TIAM1: variants seen among roughly 807,000 people sequenced by gnomAD.
TIAM1 encodes the protein TIAM Rac1 associated GEF 1.
Under a neutral mutation model 163.5 loss-of-function variants are expected in TIAM1, and 65 were observed. That is an observed-to-expected ratio of 0.40 (90% confidence interval 0.33 to 0.49). The LOEUF (loss-of-function observed/expected upper bound fraction) is 0.49. Among genes scored for constraint, TIAM1 ranks in the 20% least tolerant of loss-of-function variants. The probability of loss-of-function intolerance (pLI) is 0.77; values close to 1 mark genes in which losing one functional copy is unlikely to be tolerated. For synonymous variants in TIAM1, 833 were observed against 810.1 expected (o/e 1.03, Z -0.48); for missense variants, 1,789 against 2,044.7 (o/e 0.87, Z 2.41).
intron 2 of TIAM1, among the ~76,000 whole-genome samples, chr21:31,311,326 A>T (rs1047945554): frequency 1.5e-4 from 23 of 152,192 alleles, no homozygotes; most frequent in African/African-American, 5.5e-4. Context: ...CATATTACTA[A>T]GAAATTGTCT....
chr21:31,429,062 C>T (rs545454455), intron 2 of TIAM1, among the ~76,000 whole-genome samples: 61 of 151,744 alleles, frequency 4.0e-4, no homozygotes, highest in African/African-American at 1.2e-3. Flanking sequence ...TGCAGTGGTG[C>T]GATCATGCCT....
chr21:31,356,943 G>A (rs1213445172), intron 2 of TIAM1, among the ~76,000 whole-genome samples: 3 of 152,278 alleles, frequency 2.0e-5, no homozygotes, highest in Middle Eastern at 3.4e-3. Context: ...CACAGCAAGA[G>A]CCCATCTTTA....
chr21:31,445,156 G>C (rs973202604), intron 2 of TIAM1, among the ~76,000 whole-genome samples: 1 of 70,394 alleles, frequency 1.4e-5, no homozygotes, highest in African/African-American at 6.6e-5. Context: ...ATCAAATGTC[G>C]CAGGCTAATG....
chr21:31,236,835 GA>G (rs2088795510), intron 6 of TIAM1, among the ~76,000 whole-genome samples: 3 of 152,310 alleles, frequency 2.0e-5, no homozygotes, highest in South Asian at 4.1e-4. Context: ...ACAGGATGCT[GA>G]GCGCCTGGGC....
At chr21:31,422,062 A>AT (rs1248919411) in intron 2 of TIAM1, among the ~76,000 whole-genome samples, 2 of 152,180 alleles carry the variant, frequency 1.3e-5, no homozygotes, top group Non-Finnish European at 2.9e-5. Context: ...AAAAGGTAGC[A>AT]TGCCTTGCCA....
At chr21:31,360,892 G>A (rs141737198) in intron 2 of TIAM1, among the ~76,000 whole-genome samples, 228 of 152,238 alleles carry the variant, frequency 1.5e-3, no homozygotes, top group African/African-American at 5.1e-3. Flanking sequence ...GAATTGAAAT[G>A]ACTAATAACA....
At chr21:31,327,193 A>G (rs2075517264) in intron 2 of TIAM1, among the ~76,000 whole-genome samples, 1 of 152,182 alleles carries the variant, frequency 6.6e-6, no homozygotes, top group Non-Finnish European at 1.5e-5. Context: ...AGGGAGGAGG[A>G]GCTTTCTGTT....
At chr21:31,359,623 A>G (rs2076370147) in intron 2 of TIAM1, among the ~76,000 whole-genome samples, 1 of 152,032 alleles carries the variant, frequency 6.6e-6, no homozygotes, top group Admixed American at 6.6e-5. Flanking sequence ...TCCTGTCTCT[A>G]CTAAAAATAC....
At chr21:31,427,701 G>A (rs2043845233) in intron 2 of TIAM1, among the ~76,000 whole-genome samples, 1 of 151,886 alleles carries the variant, frequency 6.6e-6, no homozygotes, top group African/African-American at 2.4e-5. Flanking sequence ...AGGTGTGGTG[G>A]TGTGCACCTA....
At chr21:31,334,459 A>G (rs961899612) in intron 2 of TIAM1, among the ~76,000 whole-genome samples, 2 of 152,134 alleles carry the variant, frequency 1.3e-5, no homozygotes, top group African/African-American at 4.8e-5. Context: ...GCTGTTCTTC[A>G]TCAATGCTTC....
chr21:31,498,304 T>C (rs1254313293), intron 1 of TIAM1, among the ~76,000 whole-genome samples: 1 of 152,232 alleles, frequency 6.6e-6, no homozygotes, highest in Non-Finnish European at 1.5e-5. Context: ...CTCACCACGT[T>C]AAACTTCATG....
chr21:31,243,068 T>G (rs1320117265), intron 6 of TIAM1, among the ~76,000 whole-genome samples: 3 of 149,712 alleles, frequency 2.0e-5, no homozygotes, highest in African/African-American at 4.9e-5. Flanking sequence ...GGCACATGCC[T>G]GTAATCCCAG....
At chr21:31,539,390 C>T (rs1236955500) in intron 1 of TIAM1, among the ~76,000 whole-genome samples, 7 of 150,926 alleles carry the variant, frequency 4.6e-5, no homozygotes, top group African/African-American at 7.4e-5. Flanking sequence ...CTCAGCCTCC[C>T]GAGTAGCTGG....
At chr21:31,406,612 C>G (rs2077251840) in intron 2 of TIAM1, among the ~76,000 whole-genome samples, 1 of 152,158 alleles carries the variant, frequency 6.6e-6, no homozygotes, top group South Asian at 2.1e-4. Context: ...TAAAAGAAGG[C>G]ACAGCCATGA....
intron 2 of TIAM1, among the ~76,000 whole-genome samples, chr21:31,437,315 C>A (rs1223946530): frequency 6.6e-6 from 1 of 152,030 alleles, no homozygotes; most frequent in East Asian, 1.9e-4. Flanking sequence ...CCAGCCTGTG[C>A]AACATGGTGA....
chr21:31,331,325 G>A (rs562128666), intron 2 of TIAM1, among the ~76,000 whole-genome samples: 1 of 152,210 alleles, frequency 6.6e-6, no homozygotes, highest in Non-Finnish European at 1.5e-5. Context: ...GCATCTCAAG[G>A]CAGATAGGTT....
intron 2 of TIAM1, among the ~76,000 whole-genome samples, chr21:31,385,114 T>C (rs2076843329): frequency 6.6e-6 from 1 of 152,096 alleles, no homozygotes; most frequent in South Asian, 2.1e-4. Context: ...CAGGCTGGAG[T>C]GCAATGGCGC....
At chr21:31,438,554 A>G (rs1417448785) in intron 2 of TIAM1, among the ~76,000 whole-genome samples, 1 of 152,050 alleles carries the variant, frequency 6.6e-6, no homozygotes, top group African/African-American at 2.4e-5. Context: ...GGCACTGGAG[A>G]GAATGAAAAG....
In TIAM1 at chr21:31,349,520, T is replaced by C. The variant is rs963087373; in HGVS notation, c.-368-10098A>G. Among the ~76,000 whole-genome samples, 5 of 152,200 alleles carry C rather than the reference T, an allele frequency of 3.3e-5. 1 individual carries two copies. Among genetic ancestry groups the C allele is most frequent in the Non-Finnish European group, 7.4e-5 (5 of 68,026 alleles). On this transcript the variant is annotated intron_variant, in intron 2 of 28. Coordinates refer to the TIAM1 transcript ENST00000286827. ...GTAAAAGCATCGAAGTTTTTCCTAGTTTGGGACCTTTCAGATACCTCCCTG... is the reference window on the plus strand; with the variant it reads ...GTAAAAGCATCGAAGTTTTTCCTAGCTTGGGACCTTTCAGATACCTCCCTG...
Sources: allele counts gnomAD v4.1 joint callset (sites outside exome capture counted in the v4.1 genomes callset), GRCh38; gene constraint gnomAD v4.1.1; transcripts MANE v1.5; gene names NCBI Gene and HGNC (gene_info 2026-07-23, HGNC 2026-07-21).